PSME4: variants seen among roughly 807,000 people sequenced by gnomAD.
PSME4 encodes the protein proteasome activator complex subunit 4.
A neutral mutation model predicts 253.9 loss-of-function variants in PSME4; 89 were observed. The ratio of observed to expected loss-of-function variants is 0.35; its 90% CI spans 0.30 to 0.42. PSME4 has a LOEUF of 0.42. Among genes scored for constraint, PSME4 ranks in the 10% least tolerant of loss-of-function variants. PSME4 has a pLI of 1.00. For synonymous variants in PSME4, 851 were observed against 759.2 expected, an observed-to-expected ratio of 1.12 and a Z score of -1.99; for missense variants, 2,014 against 2,195.2, an observed-to-expected ratio of 0.92 and a Z score of 1.65.
intron 24 of PSME4, chr2:53,908,007 G>T: frequency 3.7e-6 from 1 of 271,336 alleles, no homozygotes. Context: ...TTAAATTCAT[G>T]CCCATAGATA....
chr2:53,937,634 G>T, intron 4 of PSME4, 94 bp from the exon 5 acceptor site: 1 of 1,119,260 alleles, frequency 8.9e-7, no homozygotes, highest in Non-Finnish European at 1.3e-6. Context: ...GGGGGAGGAG[G>T]AGAATATATG....
chr2:53,918,089 A>C (rs1417387334), intron 20 of PSME4, among the ~76,000 whole-genome samples: 1 of 152,226 alleles, frequency 6.6e-6, no homozygotes, highest in East Asian at 1.9e-4. Context: ...AGTATGGGAA[A>C]GACATGTAGC....
intron 18 of PSME4, 59 bp downstream of exon 18, chr2:53,920,830 A>G: frequency 7.3e-7 from 1 of 1,370,124 alleles, no homozygotes; most frequent in South Asian, 1.2e-5. Context: ...TAACACTTTG[A>G]ATCCCTTAAA....
chr2:53,970,844 C>A lies in PSME4; in HGVS notation c.-60G>T. The A allele has an allele frequency of 1.5e-6, 2 of 1,342,634 alleles. No individual in the cohort carries two copies. 83.2% of individuals were successfully genotyped at this position (1,342,634 alleles called of 1,614,324 possible). ...CGAACCCTCCCCGGCCCCCACCCCTCTCCGGGCTCCGCCTCCTCCGCGTCT... is the reference window on the plus strand; with the variant it reads ...CGAACCCTCCCCGGCCCCCACCCCTATCCGGGCTCCGCCTCCTCCGCGTCT... On this transcript the variant is annotated 5_prime_UTR_variant, in exon 1 of 47. Transcript: ENST00000404125.
intron 4 of PSME4, among the ~76,000 whole-genome samples, chr2:53,938,966 C>T (rs529069721): frequency 7.5e-4 from 114 of 152,162 alleles, no homozygotes; most frequent in South Asian, 3.5e-3. Flanking sequence ...ACCCTGTAAT[C>T]CAAAATAAAA....
chr2:53,901,202 A>G (rs1295651287), intron 28 of PSME4, 148 bp downstream of exon 28: 7 of 730,628 alleles, frequency 9.6e-6, no homozygotes. Flanking sequence ...AAGTACAAAA[A>G]GCAAACAGGT....
At chr2:53,865,928 T>C in intron 46 of PSME4, 157 bp downstream of exon 46, 2 of 774,134 alleles carry the variant, frequency 2.6e-6, no homozygotes, top group Admixed American at 3.3e-5. Flanking sequence ...TCATTTCCAA[T>C]GGCCGTAGCA....
At chr2:53,957,839 T>C (rs919094383) in intron 1 of PSME4, among the ~76,000 whole-genome samples, 5 of 152,152 alleles carry the variant, frequency 3.3e-5, no homozygotes, top group Non-Finnish European at 7.4e-5. Flanking sequence ...AAACTTTATG[T>C]GCTTAATAAT....
At chr2:53,906,904 T>C in intron 24 of PSME4, 36 bp from the exon 25 acceptor site, 2 of 1,595,396 alleles carry the variant, frequency 1.3e-6, no homozygotes, top group African/African-American at 1.3e-5. Context: ...CTTCAACATT[T>C]TCCCTAAATG....
intron 3 of PSME4, among the ~76,000 whole-genome samples, chr2:53,940,917 AAT>A (rs58243220): frequency 0.017 from 1,158 of 68,854 alleles, 22 homozygotes; most frequent in African/African-American, 0.02. Flanking sequence ...TACATATTTA[AAT>A]ATATATATAA....
intron 27 of PSME4, 134 bp downstream of exon 27, chr2:53,903,891 A>C: frequency 1.4e-6 from 1 of 717,328 alleles, no homozygotes; most frequent in Non-Finnish European, 2.3e-6. Context: ...CAGATATGCG[A>C]TAAAGCAAAT....
In PSME4 at chr2:53,921,115, G is replaced by A. The variant is rs1266960979; in HGVS notation, c.2047-11C>T. On this transcript the variant is annotated splice_polypyrimidine_tract_variant and intron_variant, in intron 17 of 46. Coordinates refer to ENST00000404125, the MANE Select transcript of PSME4 (RefSeq NM_014614.3). ...ATCCACTCGAGTAATCTAAAAGGAG[G>A]GAAAAAATAGTTGAAGATATTTTGG... is the stretch of plus-strand genomic sequence containing the variant. 3 of 1,608,286 alleles carry A rather than the reference G, an allele frequency of 1.9e-6. No individual in the cohort carries two copies. The highest frequency in any genetic ancestry group is 1.7e-5 in the Admixed American group (1 of 58,468).
intron 1 of PSME4, among the ~76,000 whole-genome samples, chr2:53,967,844 T>G (rs919429853): frequency 4.6e-5 from 7 of 152,026 alleles, no homozygotes; most frequent in Non-Finnish European, 1.0e-4. Flanking sequence ...ATGTACTTGA[T>G]CTATGCAACT....
chr2:53,873,243 A>AAAAAAAAAAAAAAAAAG (rs1553403170), intron 43 of PSME4, among the ~76,000 whole-genome samples: 54 of 151,502 alleles, frequency 3.6e-4, no homozygotes, highest in African/African-American at 1.3e-3. Flanking sequence ...CGTCTCAAAA[A>AAAAAAAAAAAAAAAAAG]AAAAGAAAAA....
At position 53,920,422 on chromosome 2, in the gene PSME4, C is replaced by T. The variant is rs1668251318; in HGVS notation, c.2263-72G>A. The T allele has an allele frequency of 4.4e-6, 6 of 1,366,554 alleles. No individual in the cohort carries two copies. In the Admixed American group the frequency reaches 7.5e-5, roughly 17 times the overall value. 84.7% of individuals were successfully genotyped at this position (1,366,554 alleles called of 1,614,324 possible). On this transcript the variant is annotated intron_variant, in intron 18 of 46. Transcript: ENST00000404125. ...ACAACAACAAACCCACATACATATA[C>T]ACAATTTTTAAAATTTAAAAGAAAA... is the stretch of plus-strand genomic sequence containing the variant.
At chr2:53,941,131 A>G (rs964191500) in intron 3 of PSME4, among the ~76,000 whole-genome samples, 6 of 145,904 alleles carry the variant, frequency 4.1e-5, no homozygotes, top group Non-Finnish European at 9.0e-5. Flanking sequence ...ATTCCAAGGA[A>G]TAACAGAGAG....
At chr2:53,906,487 A>C (rs1573257647) in intron 26 of PSME4, 111 bp downstream of exon 26, 4 of 1,375,178 alleles carry the variant, frequency 2.9e-6, no homozygotes, top group Non-Finnish European at 3.8e-6. Flanking sequence ...TTGAGAGAAT[A>C]ATTCCAATTA....
intron 1 of PSME4, among the ~76,000 whole-genome samples, chr2:53,951,352 G>A (rs1669983221): frequency 6.6e-6 from 1 of 152,228 alleles, no homozygotes; most frequent in African/African-American, 2.4e-5. Context: ...AAAGTGCTGG[G>A]ATTATAGGCG....
At chr2:53,969,349 C>A (rs1289161606) in intron 1 of PSME4, among the ~76,000 whole-genome samples, 2 of 152,110 alleles carry the variant, frequency 1.3e-5, no homozygotes. Context: ...TTAAAAAGGT[C>A]CCACCCACCC....
Sources: gnomAD v4.1 joint callset for allele counts (sites outside exome capture counted in the v4.1 genomes callset) on GRCh38, gnomAD v4.1.1 for gene constraint, MANE v1.5 for transcripts, NCBI Gene and HGNC (gene_info 2026-07-23, HGNC 2026-07-21) for gene names.